AHCYL2: variants seen among roughly 807,000 people sequenced by gnomAD.
AHCYL2 encodes adenosylhomocysteinase like 2.
A neutral mutation model predicts 81.4 loss-of-function variants in AHCYL2; 28 were observed. The ratio of observed to expected loss-of-function variants is 0.34; its 90% CI spans 0.25 to 0.47. AHCYL2 has a LOEUF of 0.47. Ranked by LOEUF, AHCYL2 falls within the 20% of genes least tolerant of loss-of-function variation. The pLI is 1.00. For synonymous variants in AHCYL2, 272 were observed against 290.2 expected (o/e 0.94, Z 0.64); for missense variants, 551 against 785.1 (o/e 0.70, Z 3.56).
intron 1 of AHCYL2, among the ~76,000 whole-genome samples, chr7:129,291,150 A>G (rs979554964): frequency 1.2e-4 from 19 of 152,124 alleles, no homozygotes; most frequent in African/African-American, 4.6e-4. Flanking sequence ...CTCTTTTAAT[A>G]TAAATGGCAA....
intron 1 of AHCYL2, among the ~76,000 whole-genome samples, chr7:129,271,277 C>T (rs1236322370): frequency 6.9e-6 from 1 of 145,694 alleles, no homozygotes; most frequent in Non-Finnish European, 1.5e-5. Flanking sequence ...AGAAGAATGG[C>T]GTGAACCCGA....
At chr7:129,367,979 C>T (rs10480492) in intron 1 of AHCYL2, 9,461 of 450,502 alleles carry the variant, frequency 0.021, 809 homozygotes, top group African/African-American at 0.19. Flanking sequence ...TTCAAGGAAA[C>T]GCCTGTTTAC....
At chr7:129,229,111 A>G (rs1794328876) in intron 1 of AHCYL2, among the ~76,000 whole-genome samples, 1 of 148,298 alleles carries the variant, frequency 6.7e-6, no homozygotes, top group South Asian at 2.1e-4. Flanking sequence ...CTTGGTGCCC[A>G]GGCTGGAGTG....
intron 4 of AHCYL2, among the ~76,000 whole-genome samples, chr7:129,394,767 T>C (rs779242078): frequency 6.6e-6 from 1 of 152,198 alleles, no homozygotes; most frequent in African/African-American, 2.4e-5. Context: ...TTTTATTGTT[T>C]CCATCTCTGC....
intron 2 of AHCYL2, among the ~76,000 whole-genome samples, chr7:129,387,915 C>CCTG (rs1217693412): frequency 6.6e-6 from 1 of 152,188 alleles, no homozygotes; most frequent in Non-Finnish European, 1.5e-5. Flanking sequence ...CCCTGCTGCC[C>CCTG]AAATGGTTTG....
chr7:129,382,169 T>C (rs534139214), intron 2 of AHCYL2, among the ~76,000 whole-genome samples: 5 of 152,310 alleles, frequency 3.3e-5, no homozygotes, highest in African/African-American at 1.2e-4. Flanking sequence ...TATACAATGA[T>C]AGAAAAAGAG....
intron 1 of AHCYL2, among the ~76,000 whole-genome samples, chr7:129,248,520 T>G (rs1239309495): frequency 1.3e-5 from 2 of 151,992 alleles, no homozygotes; most frequent in Non-Finnish European, 2.9e-5. Flanking sequence ...CTTTTTTTTT[T>G]TTAAATATTT....
Position 129,249,591 on chromosome 7 carries a change from A to G in AHCYL2, c.363+24152A>G, listed in dbSNP as rs537782736. 3.7e-3 allele frequency among the ~76,000 whole-genome samples: 560 copies of G among 151,638 alleles called. 1 individual carries two copies. The highest frequency in any genetic ancestry group is 5.8e-3 in the Non-Finnish European group (391 of 67,868). ...CAGGCGCCCGCCACCGCGCCCGGCT[A>G]ATTTTTTGTATTTTTAGTAGAGACG... is the stretch of plus-strand genomic sequence containing the variant. On this transcript the variant is annotated intron_variant, in intron 1 of 16. Coordinates refer to ENST00000325006, the MANE Select transcript of AHCYL2 (RefSeq NM_015328.4).
intron 1 of AHCYL2, among the ~76,000 whole-genome samples, chr7:129,326,351 A>AC (rs1232866283): frequency 6.6e-6 from 1 of 151,896 alleles, no homozygotes; most frequent in Non-Finnish European, 1.5e-5. Flanking sequence ...ACATGGTAAA[A>AC]CCCCATCTCT....
chr7:129,237,168 T>C (rs1012847857), intron 1 of AHCYL2, among the ~76,000 whole-genome samples: 2 of 152,170 alleles, frequency 1.3e-5, no homozygotes, highest in Admixed American at 1.3e-4. Flanking sequence ...GTCTTAGAAT[T>C]GCCTTTCCAA....
chr7:129,241,375 G>C (rs1794846605), intron 1 of AHCYL2, among the ~76,000 whole-genome samples: 1 of 152,096 alleles, frequency 6.6e-6, no homozygotes, highest in Non-Finnish European at 1.5e-5. Context: ...TGGATCACCT[G>C]AGGTCAGGAG....
chr7:129,239,175 C>G (rs1315661979), intron 1 of AHCYL2, among the ~76,000 whole-genome samples: 1 of 152,070 alleles, frequency 6.6e-6, no homozygotes, highest in African/African-American at 2.4e-5. Flanking sequence ...TCTGGAAAAT[C>G]TATATGGGAG....
intron 11 of AHCYL2, among the ~76,000 whole-genome samples, chr7:129,412,050 T>C (rs1363721982): frequency 6.6e-6 from 1 of 151,926 alleles, no homozygotes; most frequent in Non-Finnish European, 1.5e-5. Context: ...ATAGTAACTT[T>C]GTTTTTAACA....
chr7:129,304,390 T>C (rs1223286675), intron 1 of AHCYL2, among the ~76,000 whole-genome samples: 1 of 152,242 alleles, frequency 6.6e-6, no homozygotes, highest in Non-Finnish European at 1.5e-5. Context: ...AAATATCTAT[T>C]AGGTCCATTT....
intron 1 of AHCYL2, among the ~76,000 whole-genome samples, chr7:129,231,974 T>C (rs573299224): frequency 6.6e-6 from 1 of 152,242 alleles, no homozygotes; most frequent in South Asian, 2.1e-4. Context: ...TAGAAATCTA[T>C]TGGTTTGGGG....
At chr7:129,247,461 A>C (rs1309001178) in intron 1 of AHCYL2, among the ~76,000 whole-genome samples, 1 of 152,246 alleles carries the variant, frequency 6.6e-6, no homozygotes, top group African/African-American at 2.4e-5. Flanking sequence ...TTCTGAATAC[A>C]AAAGATTTTT....
intron 12 of AHCYL2, among the ~76,000 whole-genome samples, chr7:129,415,996 G>A (rs1042712066): frequency 9.9e-5 from 15 of 152,088 alleles, no homozygotes; most frequent in African/African-American, 1.9e-4. Context: ...CCGCGATCAC[G>A]CCATTGCACT....
chr7:129,377,153 C>T (rs1794724646), intron 1 of AHCYL2, among the ~76,000 whole-genome samples: 1 of 152,068 alleles, frequency 6.6e-6, no homozygotes, highest in South Asian at 2.1e-4. Flanking sequence ...CTTTATGAGC[C>T]TATAGTTTAT....
intron 1 of AHCYL2, among the ~76,000 whole-genome samples, chr7:129,280,842 G>T (rs1456368847): frequency 6.7e-6 from 1 of 149,528 alleles, no homozygotes; most frequent in Non-Finnish European, 1.5e-5. Flanking sequence ...TTTTAATTTT[G>T]TTAACATGGT....
Sources: allele counts gnomAD v4.1 joint callset (sites outside exome capture counted in the v4.1 genomes callset), GRCh38; gene constraint gnomAD v4.1.1; transcripts MANE v1.5; gene names NCBI Gene and HGNC (gene_info 2026-07-23, HGNC 2026-07-21).